RERG: variants seen among roughly 807,000 people sequenced by gnomAD.
The protein encoded by RERG is ras-related and estrogen-regulated growth inhibitor.
A neutral mutation model predicts 23.2 loss-of-function variants in RERG; 25 were observed. The ratio of observed to expected loss-of-function variants is 1.08; its 90% CI spans 0.79 to 1.50. The LOEUF (loss-of-function observed/expected upper bound fraction) is 1.50, where lower values mean the gene tolerates loss of function less well. Among genes scored for constraint, RERG ranks in the 40% most tolerant of loss-of-function variants. The pLI, the probability that RERG is intolerant of heterozygous loss-of-function variation, is 0.00. For synonymous variants in RERG, 81 were observed against 89.1 expected, an observed-to-expected ratio of 0.91 and a Z score of 0.51; for missense variants, 253 against 250.1, an observed-to-expected ratio of 1.01 and a Z score of -0.08.
At chr12:15,156,495 T>C (rs984830167) in intron 2 of RERG, among the ~76,000 whole-genome samples, 1 of 152,216 alleles carries the variant, frequency 6.6e-6, no homozygotes, top group African/African-American at 2.4e-5. Flanking sequence ...TTTAAAACAG[T>C]GTCACTTTAA....
chr12:15,199,927 T>TA (rs945665083), intron 2 of RERG, among the ~76,000 whole-genome samples: 14 of 152,114 alleles, frequency 9.2e-5, no homozygotes, highest in Middle Eastern at 3.4e-3. Context: ...TCCTTCATTG[T>TA]AAAAAAATTA....
intron 2 of RERG, among the ~76,000 whole-genome samples, chr12:15,165,033 C>T (rs1352845599): frequency 6.6e-6 from 1 of 152,154 alleles, no homozygotes; most frequent in East Asian, 1.9e-4. Context: ...AGAGCAGACT[C>T]AGAGCTAAAT....
chr12:15,113,535 CAG>C (rs1863662953), intron 3 of RERG, among the ~76,000 whole-genome samples: 1 of 151,956 alleles, frequency 6.6e-6, no homozygotes, highest in Admixed American at 6.6e-5. Flanking sequence ...CAGAAAAATA[CAG>C]TATCACTAGC....
intron 2 of RERG, among the ~76,000 whole-genome samples, chr12:15,212,101 G>A (rs866942709): frequency 2.3e-5 from 3 of 127,764 alleles, no homozygotes; most frequent in Non-Finnish European, 4.9e-5. Context: ...CGCCCAGGCC[G>A]GACTGCGGAC....
chr12:15,149,169 T>G (rs1864395178), intron 2 of RERG, among the ~76,000 whole-genome samples: 2 of 152,008 alleles, frequency 1.3e-5, no homozygotes, highest in African/African-American at 2.4e-5. Flanking sequence ...GCGCCCAGCC[T>G]GCAGTCCTTT....
At position 15,127,929 on chromosome 12, in the gene RERG, C is replaced by T. The variant is rs1591638499; in HGVS notation, c.62-6810G>A. 1.3e-5 allele frequency among the ~76,000 whole-genome samples: 2 copies of T among 152,142 alleles called. 1 individual carries two copies. The highest frequency in any genetic ancestry group is 4.1e-4 in the South Asian group (2 of 4,830). On this transcript the variant is annotated intron_variant, in intron 2 of 4. Transcript: ENST00000256953. ...AGTAGAAATTAATGTTCCCACTATACAGATAAGAAACCAAAGCAGAAAAGT... is the reference window on the plus strand; with the variant it reads ...AGTAGAAATTAATGTTCCCACTATATAGATAAGAAACCAAAGCAGAAAAGT...
chr12:15,180,911 A>G (rs375169103), intron 2 of RERG, among the ~76,000 whole-genome samples: 1 of 152,206 alleles, frequency 6.6e-6, no homozygotes, highest in African/African-American at 2.4e-5. Flanking sequence ...CATGAGTTGT[A>G]AAGATACTTC....
chr12:15,117,226 T>C (rs1263229351), intron 3 of RERG, among the ~76,000 whole-genome samples: 1 of 151,930 alleles, frequency 6.6e-6, no homozygotes, highest in Admixed American at 6.6e-5. Flanking sequence ...TGTTGATTTA[T>C]GCCACAATGG....
intron 2 of RERG, among the ~76,000 whole-genome samples, chr12:15,165,671 A>G (rs1034421255): frequency 1.3e-5 from 2 of 152,208 alleles, no homozygotes; most frequent in Non-Finnish European, 2.9e-5. Context: ...GAAGTTTTAA[A>G]ATGGGGTTAT....
chr12:15,181,722 A>G (rs547858710), intron 2 of RERG, among the ~76,000 whole-genome samples: 9 of 152,232 alleles, frequency 5.9e-5, no homozygotes, highest in Non-Finnish European at 1.2e-4. Flanking sequence ...TTCTCCATTT[A>G]CAGAGGAAGA....
intron 4 of RERG, among the ~76,000 whole-genome samples, chr12:15,109,836 C>T (rs1435789978): frequency 6.6e-6 from 1 of 152,270 alleles, no homozygotes; most frequent in East Asian, 1.9e-4. Context: ...GAGCACATCA[C>T]TTTTGAGACT....
Position 15,217,476 on chromosome 12 carries a change from G to A in RERG, c.14C>T (p.Ala5Val), listed in dbSNP as rs376776458. ...CCCAAATATTGCCAGTTTGACCTCCGCACTTTTAGCCATGATGGGTGTTGG... is the reference window on the plus strand; with the variant it reads ...CCCAAATATTGCCAGTTTGACCTCCACACTTTTAGCCATGATGGGTGTTGG... MAKS[A>V]EVKLAIFGRA... The change falls in exon 2 of 5, where the codon GCG (alanine) becomes GTG (valine). Residue 5 changes from alanine to valine, a missense_variant. Transcript: ENST00000256953. 5.6e-6 allele frequency: 9 copies of A among 1,612,610 alleles called. No individual in the cohort carries two copies. Among genetic ancestry groups the A allele is most frequent in the Middle Eastern group, 1.7e-4 (1 of 6,060 alleles).
chr12:15,111,682 T>G (rs1406617700), intron 3 of RERG, among the ~76,000 whole-genome samples: 3 of 127,994 alleles, frequency 2.3e-5, no homozygotes, highest in African/African-American at 9.5e-5. Context: ...TACCCTATAC[T>G]TTCCTTTTTT....
chr12:15,112,069 T>A (rs1052171407), intron 3 of RERG, among the ~76,000 whole-genome samples: 1 of 152,160 alleles, frequency 6.6e-6, no homozygotes, highest in Admixed American at 6.5e-5. Context: ...ACAATGTAAA[T>A]TGAGAAGGTG....
chr12:15,177,848 T>G (rs1294668339), intron 2 of RERG, among the ~76,000 whole-genome samples: 2 of 151,084 alleles, frequency 1.3e-5, no homozygotes, highest in East Asian at 1.9e-4. Flanking sequence ...TGTTTTTTTT[T>G]TTTTTTTTTT....
intron 2 of RERG, among the ~76,000 whole-genome samples, chr12:15,133,545 A>G (rs1864091575): frequency 6.6e-6 from 1 of 152,120 alleles, no homozygotes; most frequent in African/African-American, 2.4e-5. Context: ...TAAAAGTTCT[A>G]CAAATATCCA....
At chr12:15,137,647 T>C (rs1444997759) in intron 2 of RERG, among the ~76,000 whole-genome samples, 1 of 151,962 alleles carries the variant, frequency 6.6e-6, no homozygotes, top group Non-Finnish European at 1.5e-5. Flanking sequence ...AGTTTATGGG[T>C]AGAGTAATAC....
chr12:15,136,165 C>T (rs1040898821), intron 2 of RERG, among the ~76,000 whole-genome samples: 8 of 151,884 alleles, frequency 5.3e-5, no homozygotes, highest in Non-Finnish European at 8.8e-5. Flanking sequence ...CATCTAGGTT[C>T]TAAAATTTGT....
chr12:15,200,605 T>C lies in RERG; in HGVS notation c.61+16824A>G, dbSNP rs749454338. Among the ~76,000 whole-genome samples the C allele has an allele frequency of 2.0e-5, 3 of 152,160 alleles. No homozygotes were observed. The East Asian group carries it at 5.8e-4, about 29-fold the overall frequency. Reference sequence around the variant, plus strand: ...TGAAGCTTCCTGGCATTTTGCCCTTTGTAGGGGCTTGATTCTTCCAGTTAT... The same window carrying C: ...TGAAGCTTCCTGGCATTTTGCCCTTCGTAGGGGCTTGATTCTTCCAGTTAT... On this transcript the variant is annotated intron_variant, in intron 2 of 4. Transcript: ENST00000256953.
Sources: allele counts gnomAD v4.1 joint callset (sites outside exome capture counted in the v4.1 genomes callset), GRCh38; gene constraint gnomAD v4.1.1; transcripts MANE v1.5; gene names NCBI Gene and HGNC (gene_info 2026-07-23, HGNC 2026-07-21).